Variants in RBM34 observed in about 807,000 individuals in gnomAD.
RBM34 encodes the protein RNA-binding protein 34.
In RBM34, 39 loss-of-function variants were observed where a neutral mutation model predicts 44.6. The observed-to-expected ratio is 0.87, with a 90% CI of 0.68 to 1.14. The LOEUF is 1.14. Ranked by LOEUF, RBM34 falls within the 50% of genes most tolerant of loss-of-function variation. The pLI is 0.00. For synonymous variants in RBM34, 194 were observed against 184.0 expected, an observed-to-expected ratio of 1.05 and a Z score of -0.44; for missense variants, 572 against 517.9, an observed-to-expected ratio of 1.10 and a Z score of -1.01.
chr1:235,146,376 A>G (rs1661908700), intron 6 of RBM34, among the ~76,000 whole-genome samples: 1 of 150,296 alleles, frequency 6.7e-6, no homozygotes, highest in Non-Finnish European at 1.5e-5. Context: ...AAAATGCTAT[A>G]AAAATAATCA....
In RBM34 at chr1:235,131,948, A is replaced by T. The variant is rs537801075; in HGVS notation, c.1058T>A (p.Met353Lys). 37 of 1,611,062 alleles carry T rather than the reference A, an allele frequency of 2.3e-5. 1 individual carries two copies. The highest frequency in any genetic ancestry group is 2.0e-4 in the Admixed American group (12 of 59,484). ...ACGCATGACTCTGAGTTTTCTCCCC[A>T]TGAGTTCAGAATTATTTAATTTCAG... is the stretch of plus-strand genomic sequence containing the variant. Reference protein sequence around the residue: ...LALKLNNSELMGRKLRVMRSV... With the variant: ...LALKLNNSELKGRKLRVMRSV... The change falls in exon 11 of 11, where the codon ATG becomes AAG. Residue 353 changes from methionine (M) to lysine (K), a missense_variant. Met to Lys is a moderately conservative substitution (Grantham distance 95). Coordinates refer to ENST00000408888, the MANE Select transcript of RBM34 (RefSeq NM_015014.4).
rs752345051 is a variant in RBM34, at chr1:235,136,059, C to T, written c.864G>A (p.Ser288=). ...ASETSSRDKR[S]VFVGNLPYKV... ...TATAAGGGAGATTCCCCACAAAAAC[C>T]GATCTCTTGTCTCTCTGAAACAAAA... is the stretch of plus-strand genomic sequence containing the variant. Residue 288 remains serine, a synonymous_variant, in exon 9 of 11, where the codon TCG becomes TCA. Coordinates refer to ENST00000408888, the MANE Select transcript of RBM34 (RefSeq NM_015014.4). The T allele has an allele frequency of 1.9e-6, 3 of 1,598,302 alleles. No homozygotes were observed. Among genetic ancestry groups the T allele is most frequent in the South Asian group, 1.1e-5 (1 of 89,984 alleles).
intron 10 of RBM34, among the ~76,000 whole-genome samples, chr1:235,133,924 G>A (rs1475286050): frequency 6.6e-6 from 1 of 152,134 alleles, no homozygotes; most frequent in East Asian, 1.9e-4. Context: ...GTGCAGTGGT[G>A]CAATCATGGC....
chr1:235,139,423 G>GT (rs201559378), intron 6 of RBM34, among the ~76,000 whole-genome samples: 506 of 152,010 alleles, frequency 3.3e-3, no homozygotes, highest in Non-Finnish European at 4.7e-3. Context: ...CCAACACGGT[G>GT]TTTTTTTTCT....
At chr1:235,144,741 A>C (rs952337742) in intron 6 of RBM34, among the ~76,000 whole-genome samples, 17 of 151,978 alleles carry the variant, frequency 1.1e-4, no homozygotes, top group Non-Finnish European at 1.6e-4. Flanking sequence ...GCAACACTCT[A>C]TCTCTTAAAA....
chr1:235,143,374 G>A (rs766779891), intron 6 of RBM34, among the ~76,000 whole-genome samples: 5 of 152,184 alleles, frequency 3.3e-5, no homozygotes, highest in African/African-American at 4.8e-5. Flanking sequence ...GAAATGATCC[G>A]TACCCAAATT....
intron 5 of RBM34, 187 bp downstream of exon 5, chr1:235,152,519 A>G: frequency 7.5e-7 from 1 of 1,332,060 alleles, no homozygotes; most frequent in Non-Finnish European, 9.7e-7. Flanking sequence ...AGTAAACTCA[A>G]TACATTATTT....
At chr1:235,149,902 T>C (rs902069140) in intron 5 of RBM34, among the ~76,000 whole-genome samples, 1 of 152,226 alleles carries the variant, frequency 6.6e-6, no homozygotes. Context: ...TTCTTCTGTT[T>C]GCAGTTTATC....
At chr1:235,151,797 C>A (rs557468620) in intron 5 of RBM34, among the ~76,000 whole-genome samples, 29 of 152,238 alleles carry the variant, frequency 1.9e-4, no homozygotes, top group Admixed American at 7.2e-4. Context: ...CTTTGGGAGG[C>A]TGAGGCAGGC....
At chr1:235,137,833 C>T in intron 8 of RBM34, 44 bp downstream of exon 8, 5 of 1,425,014 alleles carry the variant, frequency 3.5e-6, no homozygotes, top group Non-Finnish European at 4.8e-6. Context: ...AAACATTTCT[C>T]TCTACAAAGC....
chr1:235,153,310 G>A (rs1035136838), intron 4 of RBM34, among the ~76,000 whole-genome samples: 2 of 150,880 alleles, frequency 1.3e-5, no homozygotes, highest in African/African-American at 4.9e-5. Flanking sequence ...AGTATCCATC[G>A]GATGTATGCT....
In RBM34 at chr1:235,137,905, C is replaced by G. The variant is rs751865799; in HGVS notation, c.821G>C (p.Arg274Thr). 32 of 1,603,754 alleles carry G rather than the reference C, an allele frequency of 2.0e-5. No individual in the cohort carries two copies. Among genetic ancestry groups the G allele is most frequent in the Non-Finnish European group, 2.6e-6 (3 of 1,172,558 alleles). ...TGAGGTCTCAGATGCGAGATCAACT[C>G]TAATACGAAATCCATCTGCAATCTG... ...GAQIADGFRI[R>T]VDLASETSSR... The change falls in exon 8 of 11, where the codon AGA (arginine) becomes ACA (threonine). Residue 274 changes from arginine to threonine, a missense_variant. Physicochemically the swap from Arg to Thr is moderately conservative, Grantham distance 71. Transcript: ENST00000408888.
Position 235,136,857 on chromosome 1 carries a change from A to C in RBM34, c.850-784T>G, listed in dbSNP as rs1661452152. Among the ~76,000 whole-genome samples the C allele has an allele frequency of 2.0e-5, 3 of 152,182 alleles. No individual in the cohort carries two copies. The South Asian group carries it at 6.2e-4, about 32-fold the overall frequency. On this transcript the variant is annotated intron_variant, in intron 8 of 10. Transcript: ENST00000408888. ...AACTCTTACATACCTCACCCACCTA[A>C]TAATTGTACCAAGCTCTTGCCATCT... is the stretch of plus-strand genomic sequence containing the variant.
At chr1:235,140,142 G>A (rs943669751) in intron 6 of RBM34, among the ~76,000 whole-genome samples, 1 of 152,246 alleles carries the variant, frequency 6.6e-6, no homozygotes, top group Non-Finnish European at 1.5e-5. Flanking sequence ...CAGAGCCCTC[G>A]CTTGCTCTCC....
intron 3 of RBM34, among the ~76,000 whole-genome samples, chr1:235,159,477 G>A: frequency 6.6e-6 from 1 of 151,562 alleles, no homozygotes; most frequent in East Asian, 1.9e-4. Context: ...GAACCCAGGA[G>A]GCGGAGGTTG....
intron 1 of RBM34, 33 bp from the exon 2 acceptor site, chr1:235,161,100 A>G (rs762094272): frequency 6.2e-7 from 1 of 1,608,346 alleles, no homozygotes; most frequent in East Asian, 2.2e-5. Context: ...CAGCCACGCC[A>G]CGCACCACCG....
chr1:235,160,682 A>G, intron 2 of RBM34, 35 bp from the exon 3 acceptor site: 1 of 1,598,392 alleles, frequency 6.3e-7, no homozygotes, highest in Non-Finnish European at 8.5e-7. Flanking sequence ...TTGAGACCCC[A>G]TACTTCTAGA....
At chr1:235,159,519 G>C (rs934929406) in intron 3 of RBM34, among the ~76,000 whole-genome samples, 2 of 149,752 alleles carry the variant, frequency 1.3e-5, no homozygotes, top group Admixed American at 6.7e-5. Flanking sequence ...CTGCACTCCA[G>C]CCTTGGCGAC....
At chr1:235,140,637 G>A (rs534232030) in intron 6 of RBM34, among the ~76,000 whole-genome samples, 3 of 152,302 alleles carry the variant, frequency 2.0e-5, no homozygotes, top group Admixed American at 6.5e-5. Flanking sequence ...CCTGCTCCAC[G>A]ACGCCCAGTC....
Sources: gnomAD v4.1 joint callset for allele counts (sites outside exome capture counted in the v4.1 genomes callset) on GRCh38, gnomAD v4.1.1 for gene constraint, MANE v1.5 for transcripts, NCBI Gene and HGNC (gene_info 2026-07-23, HGNC 2026-07-21) for gene names.